Variants in CCDC178 observed in about 807,000 individuals in gnomAD.
CCDC178 encodes coiled-coil domain-containing protein 178.
Under a neutral mutation model 117.4 loss-of-function variants are expected in CCDC178, and 126 were observed. That is an observed-to-expected ratio of 1.07 (90% CI 0.93 to 1.24). The LOEUF is 1.24. CCDC178 is among the 50% of genes most tolerant of loss of function. The probability of loss-of-function intolerance (pLI) is 0.00; values close to 1 mark genes in which losing one functional copy is unlikely to be tolerated. For missense variants in CCDC178, 1,030 were observed against 986.9 expected (o/e 1.04, Z -0.59); for synonymous variants, 283 against 313.4 (o/e 0.90, Z 1.02).
At chr18:32,976,707 G>A (rs1242132884) in intron 21 of CCDC178, among the ~76,000 whole-genome samples, 2 of 151,924 alleles carry the variant, frequency 1.3e-5, no homozygotes, top group Non-Finnish European at 1.5e-5. Context: ...ATTAAAATAT[G>A]ACCTTGCAGT....
intron 11 of CCDC178, among the ~76,000 whole-genome samples, chr18:33,320,573 C>T (rs1219189446): frequency 6.6e-6 from 1 of 152,186 alleles, no homozygotes; most frequent in Non-Finnish European, 1.5e-5. Flanking sequence ...CTACAAACCA[C>T]TGCTCAATGA....
At chr18:33,245,146 T>A (rs2059533059) in intron 15 of CCDC178, 99 bp downstream of exon 15, 1 of 1,143,388 alleles carries the variant, frequency 8.7e-7, no homozygotes, top group Admixed American at 3.6e-5. Flanking sequence ...AGACTGTTAA[T>A]CCTTAAATTA....
At chr18:33,340,745 G>A (rs1319858991) in intron 9 of CCDC178, among the ~76,000 whole-genome samples, 1 of 152,216 alleles carries the variant, frequency 6.6e-6, no homozygotes, top group African/African-American at 2.4e-5. Context: ...TGTTGAGCCT[G>A]TGAGTGCACA....
intron 20 of CCDC178, among the ~76,000 whole-genome samples, chr18:33,170,629 A>C (rs2058586848): frequency 6.6e-6 from 1 of 152,146 alleles, no homozygotes; most frequent in African/African-American, 2.4e-5. Flanking sequence ...TTTAATAAAT[A>C]ATTACATGTT....
At chr18:33,076,544 C>T (rs948894452) in intron 21 of CCDC178, among the ~76,000 whole-genome samples, 3 of 152,166 alleles carry the variant, frequency 2.0e-5, no homozygotes, top group African/African-American at 7.2e-5. Flanking sequence ...TGTTGCCTTT[C>T]TCCTCTTTGT....
intron 12 of CCDC178, among the ~76,000 whole-genome samples, chr18:33,274,735 G>T (rs2059927285): frequency 6.6e-6 from 1 of 151,598 alleles, no homozygotes; most frequent in Non-Finnish European, 1.5e-5. Context: ...TTTTCAATGG[G>T]AAAAAAATGA....
Position 33,397,080 on chromosome 18 carries a change from AT to A in CCDC178, c.118+68del, listed in dbSNP as rs1011413692. The A allele has an allele frequency of 3.6e-4, 361 of 1,004,174 alleles. 1 individual carries two copies. Among genetic ancestry groups the A allele is most frequent in the South Asian group, 1.5e-3 (102 of 69,006 alleles). The allele number at this position is 1,004,174 out of a possible 1,614,324, so 62.2% of individuals were successfully genotyped here. ...GCCTGAAATTATTTTCATGCTTATA[AT>A]TTTTTGAAAACAATTAATATGTGAC... On this transcript the variant is annotated intron_variant, in intron 4 of 22. Transcript: ENST00000383096.
At chr18:33,065,155 G>C (rs1258708471) in intron 21 of CCDC178, among the ~76,000 whole-genome samples, 2 of 152,130 alleles carry the variant, frequency 1.3e-5, no homozygotes, top group Non-Finnish European at 2.9e-5. Flanking sequence ...GTAGCAATTA[G>C]ATAGAAGAGA....
At chr18:32,967,579 A>T (rs1010025431) in intron 22 of CCDC178, among the ~76,000 whole-genome samples, 5 of 151,430 alleles carry the variant, frequency 3.3e-5, no homozygotes, top group Non-Finnish European at 5.9e-5. Flanking sequence ...TGCTTTTATG[A>T]CCAATCTACA....
chr18:33,358,568 G>GA (rs999737631), intron 6 of CCDC178, among the ~76,000 whole-genome samples: 40 of 151,716 alleles, frequency 2.6e-4, no homozygotes, highest in African/African-American at 9.2e-4. Context: ...AATCAATGTG[G>GA]AAAAAACTAA....
At position 33,086,891 on chromosome 18, in the gene CCDC178, T is replaced by C. The variant is rs191486191; in HGVS notation, c.2388+5870A>G. ...TTATTCTTGGCTTCTGCCTTCTAGA[T>C]GCCAGAGGCAACCAAAAATGTCTCC... On this transcript the variant is annotated intron_variant, in intron 21 of 22. Transcript: ENST00000383096. Among the ~76,000 whole-genome samples the C allele has an allele frequency of 2.6e-5, 4 of 151,720 alleles. No individual in the cohort carries two copies. The East Asian group carries it at 7.8e-4, about 30-fold the overall frequency.
intron 21 of CCDC178, among the ~76,000 whole-genome samples, chr18:33,003,205 C>T (rs1362288673): frequency 6.6e-6 from 1 of 151,944 alleles, no homozygotes; most frequent in Non-Finnish European, 1.5e-5. Context: ...GATACCAAAA[C>T]CTGACAAAGA....
intron 20 of CCDC178, among the ~76,000 whole-genome samples, chr18:33,141,826 T>A (rs1363859010): frequency 6.6e-6 from 1 of 152,200 alleles, no homozygotes; most frequent in Non-Finnish European, 1.5e-5. Context: ...GATGCCAATG[T>A]AAGTTTCATG....
At position 33,147,145 on chromosome 18, in the gene CCDC178, T is replaced by C. The variant is rs1018399782; in HGVS notation, c.2239-54235A>G. On this transcript the variant is annotated intron_variant, in intron 20 of 22. Transcript: ENST00000383096. ...GCATTATCTGGTAGCTGATTTCTTT[T>C]TTTTTTTTTTTTTTTGTAAGGAACA... Among the ~76,000 whole-genome samples, 11 of 149,952 alleles carry C rather than the reference T, an allele frequency of 7.3e-5. No individual in the cohort carries two copies. The South Asian group carries it at 1.7e-3, about 23-fold the overall frequency.
intron 12 of CCDC178, among the ~76,000 whole-genome samples, chr18:33,274,149 T>C (rs1356101577): frequency 6.6e-6 from 1 of 151,726 alleles, no homozygotes. Flanking sequence ...TTTCCATTAT[T>C]AGAGACTATG....
At chr18:33,037,739 T>G (rs2056471389) in intron 21 of CCDC178, among the ~76,000 whole-genome samples, 1 of 151,950 alleles carries the variant, frequency 6.6e-6, no homozygotes, top group African/African-American at 2.4e-5. Flanking sequence ...TAAGCCAGTT[T>G]AGTGATACTT....
At chr18:33,413,875 T>G (rs2063894689) in intron 2 of CCDC178, among the ~76,000 whole-genome samples, 1 of 152,142 alleles carries the variant, frequency 6.6e-6, no homozygotes, top group Non-Finnish European at 1.5e-5. Context: ...AGAAACAGAA[T>G]GAAACAGAAA....
At chr18:33,173,416 T>G (rs1483615055) in intron 20 of CCDC178, among the ~76,000 whole-genome samples, 1 of 152,208 alleles carries the variant, frequency 6.6e-6, no homozygotes, top group Non-Finnish European at 1.5e-5. Flanking sequence ...AGGATTTTTA[T>G]GAGCAATGCT....
chr18:32,947,756 T>A (rs2144612675), intron 22 of CCDC178, among the ~76,000 whole-genome samples: 1 of 152,258 alleles, frequency 6.6e-6, no homozygotes, highest in Non-Finnish European at 1.5e-5. Context: ...GTGCTTTTGG[T>A]GCTGTACATA....
Sources: gnomAD v4.1 joint callset for allele counts (sites outside exome capture counted in the v4.1 genomes callset) on GRCh38, gnomAD v4.1.1 for gene constraint, MANE v1.5 for transcripts, NCBI Gene and HGNC (gene_info 2026-07-23, HGNC 2026-07-21) for gene names.